Variants in POMT2 observed in about 807,000 individuals in gnomAD.
POMT2 encodes protein O-mannosyl-transferase 2.
In POMT2, 75 loss-of-function variants were observed where a neutral mutation model predicts 100.0. The ratio of observed to expected loss-of-function variants is 0.75; its 90% CI spans 0.62 to 0.91. The LOEUF (loss-of-function observed/expected upper bound fraction) is 0.91, where lower values mean the gene tolerates loss of function less well. POMT2 is among the 40% of genes least tolerant of loss of function. POMT2 has a pLI of 0.00. For synonymous variants in POMT2, 378 were observed against 374.1 expected (o/e 1.01, Z -0.12); for missense variants, 940 against 955.1 (o/e 0.98, Z 0.21).
At chr14:77,281,129 A>C (rs1209939832) in intron 15 of POMT2, among the ~76,000 whole-genome samples, 1 of 114,558 alleles carries the variant, frequency 8.7e-6, no homozygotes, top group African/African-American at 2.9e-5. Context: ...TAAATAAATA[A>C]ATAAATAAAT....
chr14:77,286,777 G>A lies in POMT2; in HGVS notation c.1299C>T (p.Thr433=), dbSNP rs1329852387. ...AGCCGGTGACCTGATAGTGCTTCCG[G>A]GTCATGGGGGCCTCATGATAGTGAC... The part of the protein sequence containing the change: ...LHSHYHEAPM[T]RKHYQVTGYG... The change falls in exon 12 of 21, where the codon ACC becomes ACT. Residue 433 remains threonine, a synonymous_variant. Coordinates refer to ENST00000261534, the MANE Select transcript of POMT2 (RefSeq NM_013382.7). The A allele has an allele frequency of 6.2e-7, 1 of 1,614,108 alleles. No individual in the cohort carries two copies. The highest frequency in any genetic ancestry group is 1.7e-5 in the Admixed American group (1 of 60,016).
At chr14:77,304,924 G>A (rs1891173102) in intron 3 of POMT2, 124 bp from the exon 4 acceptor site, 1 of 1,490,864 alleles carries the variant, frequency 6.7e-7, no homozygotes, top group African/African-American at 1.4e-5. Context: ...GTGACCTAAA[G>A]TCACCTAGGA....
chr14:77,284,988 T>G lies in POMT2; in HGVS notation c.1538A>C (p.Asn513Thr). The G allele has an allele frequency of 2.5e-6, 4 of 1,613,490 alleles. No homozygotes were observed. Among genetic ancestry groups the G allele is most frequent in the Non-Finnish European group, 3.4e-6 (4 of 1,179,524 alleles). Residue 513 changes from asparagine (N) to threonine (T), a missense_variant, in exon 14 of 21, where the codon AAC (asparagine) becomes ACC (threonine). Asn to Thr is a moderately conservative substitution (Grantham distance 65). Coordinates refer to ENST00000261534, the MANE Select transcript of POMT2 (RefSeq NM_013382.7). ...ATGGTCCTCCACATTCCAGATGGAG[T>G]TGAGGGTTTCTTTCAGGTATGGGGT... ...TCTPYLKETLNSIWNVEDHIN... is the reference protein window; with the variant it reads ...TCTPYLKETLTSIWNVEDHIN...
chr14:77,308,347 A>T (rs899941325), intron 2 of POMT2, among the ~76,000 whole-genome samples: 30 of 139,374 alleles, frequency 2.2e-4, no homozygotes, highest in African/African-American at 7.1e-4. Context: ...CAATTGACAA[A>T]GTTTTTTTGT....
intron 1 of POMT2, among the ~76,000 whole-genome samples, chr14:77,317,912 T>C (rs1891686937): frequency 6.6e-6 from 1 of 152,174 alleles, no homozygotes; most frequent in Non-Finnish European, 1.5e-5. Flanking sequence ...TTAATGATCA[T>C]TTGGTTGGGT....
At position 77,275,634 on chromosome 14, in the gene POMT2, C is replaced by T. The variant is rs12894594; in HGVS notation, c.*1742G>A. On this transcript the variant is annotated 3_prime_UTR_variant, in exon 21 of 21. Coordinates refer to ENST00000261534, the MANE Select transcript of POMT2 (RefSeq NM_013382.7). ...GGAAGGGAGGGGAGGGGAGGACACA[C>T]GGTGAGGTGGAAGCAGCGAGCAGAG... The T allele has an allele frequency of 0.83, 125,654 of 152,216 alleles. 52,082 individuals carry two copies. Among genetic ancestry groups the T allele is most frequent in the East Asian group, 0.95 (4,917 of 5,168 alleles). The allele number at this position is 152,216 out of a possible 1,614,324, so 9.4% of individuals were successfully genotyped here. A position where few individuals can be genotyped will look rare whatever the true frequency, so the allele number is the denominator to read the frequency against.
intron 14 of POMT2, among the ~76,000 whole-genome samples, chr14:77,284,614 T>G (rs527844816): frequency 6.6e-6 from 1 of 152,154 alleles, no homozygotes; most frequent in Admixed American, 6.5e-5. Flanking sequence ...GACTCTACAC[T>G]GAGGCATAAA....
At chr14:77,294,022 T>C (rs1002861352) in intron 9 of POMT2, among the ~76,000 whole-genome samples, 1 of 152,242 alleles carries the variant, frequency 6.6e-6, no homozygotes, top group South Asian at 2.1e-4. Flanking sequence ...GCATAATGCA[T>C]GGGCCTCATC....
intron 7 of POMT2, 120 bp downstream of exon 7, chr14:77,299,334 AG>A: frequency 2.3e-6 from 2 of 867,524 alleles, no homozygotes; most frequent in Non-Finnish European, 3.9e-6. Flanking sequence ...AACAGGAAAA[AG>A]CCCCTGGGGT....
chr14:77,320,160 T>C, intron 1 of POMT2: 1 of 584,170 alleles, frequency 1.7e-6, no homozygotes, highest in South Asian at 2.1e-5. Context: ...AAAGCCACAA[T>C]TTGCAAGCCA....
At chr14:77,300,804 A>G (rs1891004912) in intron 6 of POMT2, 1 of 384,348 alleles carries the variant, frequency 2.6e-6, no homozygotes, top group Non-Finnish European at 4.9e-6. Flanking sequence ...TGGGTAACAG[A>G]GTGAAACTCT....
At chr14:77,277,772 G>C (rs944051895) in intron 20 of POMT2, among the ~76,000 whole-genome samples, 1 of 152,200 alleles carries the variant, frequency 6.6e-6, no homozygotes, top group Non-Finnish European at 1.5e-5. Flanking sequence ...GTCAACATGT[G>C]AATGTAACCC....
At chr14:77,279,699 G>C in intron 18 of POMT2, 124 bp downstream of exon 18, 1 of 961,904 alleles carries the variant, frequency 1.0e-6, no homozygotes, top group Non-Finnish European at 1.6e-6. Context: ...AAAAGCAAAG[G>C]ATAAGGGAAG....
At position 77,281,836 on chromosome 14, in the gene POMT2, CG is replaced by C. The variant is rs554472997; in HGVS notation, c.1654-1374del. On this transcript the variant is annotated intron_variant, in intron 15 of 20. Transcript: ENST00000261534. ...TTTCTCCACAGATGGCCAAAAGTCC[CG>C]AGAGGCAAAATCACCCTCAATTAAG... is the stretch of plus-strand genomic sequence containing the variant. 1.1e-4 allele frequency among the ~76,000 whole-genome samples: 17 copies of C among 152,244 alleles called. No individual in the cohort carries two copies. In the East Asian group the frequency reaches 3.1e-3, roughly 28 times the overall value.
At chr14:77,305,128 T>C (rs1891180002) in intron 3 of POMT2, among the ~76,000 whole-genome samples, 1 of 152,244 alleles carries the variant, frequency 6.6e-6, no homozygotes, top group Non-Finnish European at 1.5e-5. Context: ...AAAATGAGTG[T>C]TATTAACACA....
intron 1 of POMT2, among the ~76,000 whole-genome samples, chr14:77,317,911 AT>A (rs1350499486): frequency 1.2e-4 from 19 of 152,352 alleles, no homozygotes; most frequent in African/African-American, 4.3e-4. Flanking sequence ...GTTAATGATC[AT>A]TTGGTTGGGT....
rs1890178416 is a variant in POMT2 at position 77,280,447 on chromosome 14, T to G, written c.1670A>C (p.Lys557Thr). 6.2e-7 allele frequency: 1 copy of G among 1,614,072 alleles called. No individual in the cohort carries two copies. Among genetic ancestry groups the G allele is most frequent in the Admixed American group, 1.7e-5 (1 of 60,004 alleles). Residue 557 changes from lysine (K) to threonine (T), a missense_variant, in exon 16 of 21, where the codon AAA becomes ACA. By Grantham distance (78) the Lys-to-Thr change is moderately conservative (BLOSUM62 -1). Coordinates refer to ENST00000261534, the MANE Select transcript of POMT2 (RefSeq NM_013382.7). ...MVMIRGNSGL[K>T]PKDNEFTSKP... The stretch of plus-strand genomic sequence containing the variant: ...GGACGTGAACTCATTGTCCTTGGGT[T>G]TGAGGCCACTGTTCCCCTGCATGAA...
intron 1 of POMT2, among the ~76,000 whole-genome samples, chr14:77,316,541 G>C (rs1432125648): frequency 6.8e-6 from 1 of 146,370 alleles, no homozygotes; most frequent in Non-Finnish European, 1.5e-5. Flanking sequence ...ACTCCAGACT[G>C]GGCAACAGAG....
chr14:77,319,666 C>T (rs1366134356), intron 1 of POMT2: 1 of 152,272 alleles, frequency 6.6e-6, no homozygotes, highest in Non-Finnish European at 1.5e-5. Flanking sequence ...GTGCAGTCAT[C>T]CATTTAAACC....
Sources: allele counts gnomAD v4.1 joint callset (sites outside exome capture counted in the v4.1 genomes callset), GRCh38; gene constraint gnomAD v4.1.1; transcripts MANE v1.5; gene names NCBI Gene and HGNC (gene_info 2026-07-23, HGNC 2026-07-21).